SMCO4: variants seen among roughly 807,000 people sequenced by gnomAD.
SMCO4 encodes single-pass membrane and coiled-coil domain-containing protein 4.
Under a neutral mutation model 3.6 loss-of-function variants are expected in SMCO4, and 4 were observed. That is an observed-to-expected ratio of 1.11 (90% CI 0.54 to 2.53). SMCO4 has a LOEUF of 2.53. SMCO4 is among the 30% of genes most tolerant of loss of function. The pLI, the probability that SMCO4 is intolerant of heterozygous loss-of-function variation, is 0.02. For missense variants in SMCO4, 70 were observed against 80.8 expected (o/e 0.87, Z 0.51); for synonymous variants, 36 against 35.3 (o/e 1.02, Z -0.07).
the SMCO4 span, among the ~76,000 whole-genome samples, chr11:93,553,275 T>A: frequency 0.13 from 20,498 of 152,206 alleles, 1,863 homozygotes; most frequent in African/African-American, 0.25. Flanking sequence ...TTATATCTGC[T>A]GATGAGTTTA....
intron 2 of SMCO4, 159 bp from the exon 3 acceptor site, chr11:93,479,428 C>T (rs1327940883): frequency 2.5e-5 from 17 of 671,036 alleles, no homozygotes; most frequent in African/African-American, 7.2e-5. Flanking sequence ...TTGGGATCAG[C>T]GCTCTAAGTA....
intron 1 of SMCO4, chr11:93,537,895 A>T (rs1313770981): frequency 2.0e-5 from 3 of 152,258 alleles, no homozygotes; most frequent in Non-Finnish European, 4.4e-5. Context: ...CAGGTCCAAC[A>T]GAGGTAACCT....
chr11:93,518,529 C>T (rs921195772), intron 1 of SMCO4, among the ~76,000 whole-genome samples: 2 of 152,240 alleles, frequency 1.3e-5, no homozygotes, highest in East Asian at 1.9e-4. Flanking sequence ...GGAGCCATGC[C>T]TTTTGAAATA....
At chr11:93,548,313 A>T (rs1450385981), upstream of SMCO4, among the ~76,000 whole-genome samples, 1 of 152,248 alleles carries the variant, frequency 6.6e-6, no homozygotes, top group Non-Finnish European at 1.5e-5. Context: ...TAAAAAGTTG[A>T]CAGCCTCAGT....
At chr11:93,491,225 GCCATC>G (rs1948714898) in intron 2 of SMCO4, among the ~76,000 whole-genome samples, 1 of 152,216 alleles carries the variant, frequency 6.6e-6, no homozygotes, top group Non-Finnish European at 1.5e-5. Flanking sequence ...AAGCATGCAA[GCCATC>G]CAATGGTGTG....
intron 1 of SMCO4, among the ~76,000 whole-genome samples, chr11:93,520,043 T>C (rs1341393719): frequency 6.6e-6 from 1 of 152,204 alleles, no homozygotes; most frequent in African/African-American, 2.4e-5. Context: ...AGAGCCACTA[T>C]AGGTCCTTAC....
At chr11:93,546,728 C>T (rs564524835), upstream of SMCO4, among the ~76,000 whole-genome samples, 1 of 152,288 alleles carries the variant, frequency 6.6e-6, no homozygotes, top group South Asian at 2.1e-4. Context: ...TTAAAATATT[C>T]TTCCCATGCT....
chr11:93,483,541 A>C (rs1193151708), intron 2 of SMCO4, among the ~76,000 whole-genome samples: 1 of 152,170 alleles, frequency 6.6e-6, no homozygotes, highest in Non-Finnish European at 1.5e-5. Flanking sequence ...GGAGCACTCC[A>C]GAGAGGCCAC....
intron 1 of SMCO4, among the ~76,000 whole-genome samples, chr11:93,502,267 T>C (rs748849888): frequency 6.6e-6 from 1 of 152,184 alleles, no homozygotes; most frequent in Non-Finnish European, 1.5e-5. Context: ...AACTATGCTA[T>C]TGAAGTCCCT....
intron 2 of SMCO4, among the ~76,000 whole-genome samples, chr11:93,498,587 A>G (rs1801400957): frequency 6.6e-6 from 1 of 152,236 alleles, no homozygotes; most frequent in Non-Finnish European, 1.5e-5. Flanking sequence ...TGCTCTTAAC[A>G]TGGGTCCAAA....
intron 2 of SMCO4, among the ~76,000 whole-genome samples, chr11:93,493,326 A>C (rs1170549445): frequency 6.6e-6 from 1 of 152,140 alleles, no homozygotes; most frequent in African/African-American, 2.4e-5. Flanking sequence ...GGGCACCAGA[A>C]CAGAGGAGAG....
chr11:93,493,375 C>T (rs1948740524), intron 2 of SMCO4, among the ~76,000 whole-genome samples: 1 of 152,082 alleles, frequency 6.6e-6, no homozygotes, highest in Non-Finnish European at 1.5e-5. Flanking sequence ...CCCCACGCTG[C>T]CCCCACCTGC....
chr11:93,492,995 G>A (rs965982187), intron 2 of SMCO4, among the ~76,000 whole-genome samples: 5 of 152,198 alleles, frequency 3.3e-5, no homozygotes, highest in African/African-American at 1.2e-4. Flanking sequence ...TTTAGGGTAG[G>A]AGAAAGGGAA....
intron 1 of SMCO4, among the ~76,000 whole-genome samples, chr11:93,522,439 G>C (rs973658341): frequency 2.6e-5 from 4 of 152,236 alleles, no homozygotes; most frequent in Non-Finnish European, 4.4e-5. Flanking sequence ...GTCTGGTCAT[G>C]TGGCACGACC....
chr11:93,511,421 A>AC (rs1948955699), intron 1 of SMCO4, among the ~76,000 whole-genome samples: 1 of 152,058 alleles, frequency 6.6e-6, no homozygotes, highest in Admixed American at 6.6e-5. Context: ...TATAACGTTG[A>AC]TAAAAAGAAA....
chr11:93,532,295 T>G (rs192569170), intron 1 of SMCO4, among the ~76,000 whole-genome samples: 5 of 152,360 alleles, frequency 3.3e-5, no homozygotes, highest in Admixed American at 1.3e-4. Flanking sequence ...GATATCCAGA[T>G]AGCTAGTAAA....
intron 2 of SMCO4, among the ~76,000 whole-genome samples, chr11:93,484,590 G>A (rs761034434): frequency 2.0e-5 from 3 of 152,124 alleles, no homozygotes; most frequent in African/African-American, 4.8e-5. Flanking sequence ...GGATGAACAG[G>A]CCATACCAGA....
At chr11:93,488,454 T>C (rs1431403486) in intron 2 of SMCO4, among the ~76,000 whole-genome samples, 2 of 152,196 alleles carry the variant, frequency 1.3e-5, no homozygotes, top group Non-Finnish European at 2.9e-5. Flanking sequence ...TAAAACTTAA[T>C]GTTCCAGGAT....
At chr11:93,491,817 G>C (rs1948721081) in intron 2 of SMCO4, among the ~76,000 whole-genome samples, 1 of 152,198 alleles carries the variant, frequency 6.6e-6, no homozygotes, top group African/African-American at 2.4e-5. Context: ...AACTTCGCCA[G>C]AACTTGCCAG....
Sources: gnomAD v4.1 joint callset for allele counts (sites outside exome capture counted in the v4.1 genomes callset) on GRCh38, gnomAD v4.1.1 for gene constraint, MANE v1.5 for transcripts, NCBI Gene and HGNC (gene_info 2026-07-23, HGNC 2026-07-21) for gene names.